Variants in HS3ST5 observed in about 807,000 individuals in gnomAD.
HS3ST5 encodes the protein heparan sulfate glucosamine 3-O-sulfotransferase 5.
A neutral mutation model predicts 25.4 loss-of-function variants in HS3ST5; 10 were observed. The observed-to-expected ratio is 0.39, with a 90% CI of 0.24 to 0.67. HS3ST5 has a LOEUF of 0.67. Ranked by LOEUF, HS3ST5 falls within the 30% of genes least tolerant of loss-of-function variation. HS3ST5 has a pLI of 0.44. For missense variants in HS3ST5, 324 were observed against 420.7 expected (o/e 0.77, Z 2.01); for synonymous variants, 170 against 162.4 (o/e 1.05, Z -0.36).
At chr6:114,306,050 A>C (rs1775273553) in intron 1 of HS3ST5, among the ~76,000 whole-genome samples, 1 of 152,088 alleles carries the variant, frequency 6.6e-6, no homozygotes, top group Admixed American at 6.5e-5. Flanking sequence ...TTACCATTGC[A>C]TTCTGCCTCT....
chr6:114,060,941 G>A (rs1773078593), intron 4 of HS3ST5, among the ~76,000 whole-genome samples: 1 of 152,158 alleles, frequency 6.6e-6, no homozygotes, highest in African/African-American at 2.4e-5. Context: ...TTTAGGATTG[G>A]AAGGGATGGT....
chr6:114,200,657 C>T (rs985817939), intron 2 of HS3ST5, among the ~76,000 whole-genome samples: 1 of 151,898 alleles, frequency 6.6e-6, no homozygotes, highest in African/African-American at 2.4e-5. Context: ...TTTGCAAACA[C>T]CAATTAAAAC....
At chr6:114,161,753 A>G (rs1346622809) in intron 3 of HS3ST5, among the ~76,000 whole-genome samples, 2 of 146,790 alleles carry the variant, frequency 1.4e-5, no homozygotes, top group Admixed American at 1.4e-4. Flanking sequence ...CTCTCACCCT[A>G]CTTTGGATAA....
chr6:114,301,918 A>G (rs1775091642), intron 1 of HS3ST5, among the ~76,000 whole-genome samples: 1 of 152,180 alleles, frequency 6.6e-6, no homozygotes, highest in Non-Finnish European at 1.5e-5. Flanking sequence ...AAATAGCCTC[A>G]TGAATAACTG....
intron 1 of HS3ST5, among the ~76,000 whole-genome samples, chr6:114,341,181 G>GGAGAGAGA (rs149684447): frequency 8.5e-6 from 1 of 118,144 alleles, no homozygotes; most frequent in Non-Finnish European, 1.7e-5. Context: ...GGAGGGAGAG[G>GGAGAGAGA]GAGAGGGAGA....
At chr6:114,101,692 TTA>T (rs1775742100) in intron 3 of HS3ST5, among the ~76,000 whole-genome samples, 1 of 152,162 alleles carries the variant, frequency 6.6e-6, no homozygotes, top group Non-Finnish European at 1.5e-5. Context: ...AGCAATCCCA[TTA>T]TTGGGTACAT....
intron 3 of HS3ST5, among the ~76,000 whole-genome samples, chr6:114,128,738 A>T (rs1164575824): frequency 6.6e-6 from 1 of 152,240 alleles, no homozygotes; most frequent in Non-Finnish European, 1.5e-5. Flanking sequence ...TGATTAAGAC[A>T]ACTGCTGAGA....
chr6:114,234,098 GA>G (rs1014232293), intron 1 of HS3ST5, among the ~76,000 whole-genome samples: 1 of 152,098 alleles, frequency 6.6e-6, no homozygotes, highest in African/African-American at 2.4e-5. Flanking sequence ...AGAGAGGCAG[GA>G]AATGTAAGGG....
intron 1 of HS3ST5, among the ~76,000 whole-genome samples, chr6:114,341,157 G>A (rs1449610347): frequency 1.4e-5 from 2 of 145,856 alleles, no homozygotes; most frequent in Non-Finnish European, 3.0e-5. Context: ...GAGAGGGGGA[G>A]AGAGGGGAGG....
chr6:114,292,024 G>A (rs564071467), intron 1 of HS3ST5, among the ~76,000 whole-genome samples: 19 of 152,164 alleles, frequency 1.2e-4, no homozygotes, highest in African/African-American at 3.4e-4. Flanking sequence ...ATAGCAAGAT[G>A]AAAATTTAAA....
chr6:114,107,248 ATAG>A (rs1776040185), intron 3 of HS3ST5, among the ~76,000 whole-genome samples: 1 of 152,176 alleles, frequency 6.6e-6, no homozygotes, highest in African/African-American at 2.4e-5. Flanking sequence ...TGAAAATCAA[ATAG>A]TGTAACTTAT....
chr6:114,323,415 G>T (rs1776045446), intron 1 of HS3ST5, among the ~76,000 whole-genome samples: 1 of 152,060 alleles, frequency 6.6e-6, no homozygotes. Context: ...TAGTACAAGG[G>T]TGCTTACATT....
intron 3 of HS3ST5, among the ~76,000 whole-genome samples, chr6:114,129,690 T>C (rs1000580501): frequency 2.4e-4 from 36 of 152,278 alleles, no homozygotes; most frequent in African/African-American, 8.2e-4. Context: ...GAAGGTTAGG[T>C]GAGCTATTAA....
intron 1 of HS3ST5, among the ~76,000 whole-genome samples, chr6:114,242,487 AG>A (rs1050675970): frequency 1.3e-5 from 2 of 152,166 alleles, no homozygotes; most frequent in Non-Finnish European, 2.9e-5. Flanking sequence ...CTTTTAGAGG[AG>A]GATACTCAAG....
At chr6:114,058,301 C>G (rs571486942) in intron 4 of HS3ST5, 111 bp from the exon 5 acceptor site, 4 of 758,312 alleles carry the variant, frequency 5.3e-6, no homozygotes, top group Middle Eastern at 5.0e-4. Flanking sequence ...TGGTTCCCAG[C>G]CTGCTGCAAT....
intron 1 of HS3ST5, among the ~76,000 whole-genome samples, chr6:114,337,886 C>A (rs1045274925): frequency 5.3e-5 from 8 of 152,024 alleles, no homozygotes; most frequent in African/African-American, 1.9e-4. Context: ...GGTTCATAAA[C>A]CCTCACCTTC....
chr6:114,330,498 A>C, intron 1 of HS3ST5, among the ~76,000 whole-genome samples: 1 of 152,306 alleles, frequency 6.6e-6, no homozygotes, highest in Admixed American at 6.5e-5. Flanking sequence ...GATGCTTCAC[A>C]GCAAATGTTT....
At chr6:114,174,628 T>C (rs996774230) in intron 2 of HS3ST5, among the ~76,000 whole-genome samples, 1 of 152,174 alleles carries the variant, frequency 6.6e-6, no homozygotes, top group Non-Finnish European at 1.5e-5. Context: ...ATGTTCCCAT[T>C]TGGTTATTTC....
At chr6:114,264,594 G>A (rs1278338747) in intron 1 of HS3ST5, among the ~76,000 whole-genome samples, 1 of 152,126 alleles carries the variant, frequency 6.6e-6, no homozygotes, top group Non-Finnish European at 1.5e-5. Context: ...GTTTCCTAAT[G>A]TGGTGTCTCT....
Sources: gnomAD v4.1 joint callset for allele counts (sites outside exome capture counted in the v4.1 genomes callset) on GRCh38, gnomAD v4.1.1 for gene constraint, MANE v1.5 for transcripts, NCBI Gene and HGNC (gene_info 2026-07-23, HGNC 2026-07-21) for gene names.